The following LRRC58 variants were observed in gnomAD, a reference collection of about 807,000 sequenced individuals.
LRRC58 encodes the protein leucine rich repeat containing 58, also known as leucine-rich repeat-containing protein 58.
LRRC58 carries 18 observed loss-of-function variants against 30.6 expected under a neutral mutation model. The ratio of observed to expected loss-of-function variants is 0.59; its 90% CI spans 0.41 to 0.87. The LOEUF (loss-of-function observed/expected upper bound fraction) is 0.87. LRRC58 is among the 40% of genes least tolerant of loss of function. LRRC58 has a pLI of 0.00. For missense variants in LRRC58, 420 were observed against 468.4 expected, an observed-to-expected ratio of 0.90 and a Z score of 0.95; for synonymous variants, 221 against 206.0, an observed-to-expected ratio of 1.07 and a Z score of -0.62.
Position 120,335,201 on chromosome 3 carries a change from A to T in LRRC58, c.630-62T>A, listed in dbSNP as rs1935817976. 3 of 1,414,382 alleles carry T rather than the reference A, an allele frequency of 2.1e-6. No individual in the cohort carries two copies. The African/African-American group carries it at 4.3e-5, about 20-fold the overall frequency. The allele number at this position is 1,414,382 out of a possible 1,614,324, so 87.6% of individuals were successfully genotyped here. ...ACAACGTAACTATCAAAAATATTGA[A>T]TATATGTGTGTATACAGAACTTGAT... On this transcript the variant is annotated intron_variant, in intron 2 of 3. Transcript: ENST00000295628.
Position 120,349,034 on chromosome 3 carries a change from G to T in LRRC58, c.210C>A (p.Leu70=). 6.6e-7 allele frequency: 1 copy of T among 1,518,548 alleles called. No homozygotes were observed. Among genetic ancestry groups the T allele is most frequent in the Non-Finnish European group, 8.8e-7 (1 of 1,141,000 alleles). The allele number at this position is 1,518,548 out of a possible 1,614,324, so 94.1% of individuals were successfully genotyped here. A position where few individuals can be genotyped will look rare whatever the true frequency, so the allele number is the denominator to read the frequency against. The change falls in exon 1 of 4, where the codon CTC becomes CTA. Residue 70 remains leucine (L), a synonymous_variant. Coordinates refer to ENST00000295628, the MANE Select transcript of LRRC58 (RefSeq NM_001099678.2). ...PRALGSGFPH[L]QLLDVSGNAL... ...CGTTGCCGCTCACGTCCAGCAGCTG[G>T]AGGTGCGGGAAGCCGCTGCCCAGCG... is the stretch of plus-strand genomic sequence containing the variant.
chr3:120,335,556 T>G (rs1280858597), intron 2 of LRRC58, among the ~76,000 whole-genome samples: 5 of 152,144 alleles, frequency 3.3e-5, no homozygotes, highest in African/African-American at 9.7e-5. Flanking sequence ...TCACTAAAAG[T>G]CTCATAAAAC....
At chr3:120,334,512 A>G in intron 3 of LRRC58, among the ~76,000 whole-genome samples, 1 of 75,566 alleles carries the variant, frequency 1.3e-5, no homozygotes, top group East Asian at 2.4e-4. Context: ...TGTCTCAAAA[A>G]TAAATAAATA....
intron 1 of LRRC58, among the ~76,000 whole-genome samples, chr3:120,339,009 T>C (rs558583693): frequency 6.6e-6 from 1 of 152,216 alleles, no homozygotes; most frequent in Non-Finnish European, 1.5e-5. Flanking sequence ...CCTTTACTTA[T>C]AACTTATTGG....
chr3:120,341,011 T>C (rs933133591), intron 1 of LRRC58, among the ~76,000 whole-genome samples: 6 of 152,238 alleles, frequency 3.9e-5, no homozygotes, highest in African/African-American at 9.6e-5. Flanking sequence ...TTAGAAAAAG[T>C]AAGCAGATAA....
In LRRC58 at chr3:120,347,024, T is replaced by G. The variant is rs113340228; in HGVS notation, c.500+1720A>C. 2.6e-3 allele frequency among the ~76,000 whole-genome samples: 402 copies of G among 152,372 alleles called. 1 individual carries two copies. The highest frequency in any genetic ancestry group is 9.4e-3 in the African/African-American group (390 of 41,594). The stretch of plus-strand genomic sequence containing the variant: ...CAATGTCCTTCTTTCAGAATTTTAG[T>G]AGTTACCCTCCTTGCCTCTGGGCTT... On this transcript the variant is annotated intron_variant, in intron 1 of 3. Coordinates refer to ENST00000295628, the MANE Select transcript of LRRC58 (RefSeq NM_001099678.2).
rs1403670889 is a variant in LRRC58, at chr3:120,326,970, G to A, written c.*4230C>T. Reference sequence around the variant, plus strand: ...CTACCTGTTATATCACAAATTCCAGGTTAATGATGTATTACTTTCTCCCTT... The same window carrying A: ...CTACCTGTTATATCACAAATTCCAGATTAATGATGTATTACTTTCTCCCTT... On this transcript the variant is annotated 3_prime_UTR_variant, in exon 4 of 4. Transcript: ENST00000295628. 1 of 152,156 alleles carries A rather than the reference G, an allele frequency of 6.6e-6. No homozygotes were observed. Among genetic ancestry groups the A allele is most frequent in the Non-Finnish European group, 1.5e-5 (1 of 68,030 alleles). The allele number at this position is 152,156 out of a possible 1,614,324, so 9.4% of individuals were successfully genotyped here.
At chr3:120,340,934 A>G (rs544135375) in intron 1 of LRRC58, among the ~76,000 whole-genome samples, 4 of 152,170 alleles carry the variant, frequency 2.6e-5, no homozygotes, top group African/African-American at 7.2e-5. Flanking sequence ...TGACACTTTT[A>G]AAAAAACGTA....
Position 120,334,979 on chromosome 3 carries a change from C to G in LRRC58, c.790G>C (p.Glu264Gln). The change falls in exon 3 of 4, where the codon GAA becomes CAA. Residue 264 changes from glutamate to glutamine, a missense_variant. Glu to Gln is a conservative substitution (Grantham distance 29). Around this residue, in one of 2 missense-constraint regions of LRRC58, gnomAD observed 154 missense variants for 216.8 expected, o/e 0.71. Transcript: ENST00000295628. ...ATCTTAATGGTCCGTGCAGCTAATT[C>G]CAGGAGAGTTGGAGGATCATAGGTT... is the stretch of plus-strand genomic sequence containing the variant. ...DLTYDPPTLL[E>Q]LAARTIKIRN... is the part of the protein sequence containing the mutation. 6.2e-7 allele frequency: 1 copy of G among 1,613,786 alleles called. No individual in the cohort carries two copies.
At chr3:120,341,685 A>G (rs1039086694) in intron 1 of LRRC58, among the ~76,000 whole-genome samples, 1 of 152,130 alleles carries the variant, frequency 6.6e-6, no homozygotes, top group African/African-American at 2.4e-5. Context: ...TCTCTCCATC[A>G]TGTTGATGTA....
At chr3:120,347,376 A>ATTTTTTTTTTTTTTTTTTT (rs1208688984) in intron 1 of LRRC58, among the ~76,000 whole-genome samples, 15 of 51,080 alleles carry the variant, frequency 2.9e-4, no homozygotes, top group Admixed American at 4.4e-4. Context: ...CCAGGCCAAT[A>ATTTTTTTTTTTTTTTTTTT]TTCTTTTTTT....
intron 3 of LRRC58, among the ~76,000 whole-genome samples, chr3:120,331,817 G>T (rs1318829195): frequency 6.6e-6 from 1 of 152,106 alleles, no homozygotes; most frequent in Non-Finnish European, 1.5e-5. Flanking sequence ...TTATCTTAAA[G>T]AATTAGTATA....
chr3:120,333,311 A>G (rs1472046062), intron 3 of LRRC58, among the ~76,000 whole-genome samples: 2 of 152,194 alleles, frequency 1.3e-5, no homozygotes, highest in Non-Finnish European at 2.9e-5. Flanking sequence ...ATTTCCAGAA[A>G]AGCATGAATT....
rs1935687112 is a variant in LRRC58, at chr3:120,327,162, T to TCA, written c.*4037_*4038insTG. The TCA allele has an allele frequency of 6.6e-6, 1 of 152,080 alleles. No homozygotes were observed. The highest frequency in any genetic ancestry group is 2.4e-5 in the African/African-American group (1 of 41,412). 9.4% of individuals were successfully genotyped at this position (152,080 alleles called of 1,614,324 possible). On this transcript the variant is annotated 3_prime_UTR_variant, in exon 4 of 4. Coordinates refer to ENST00000295628, the MANE Select transcript of LRRC58 (RefSeq NM_001099678.2). ...ATAACTTAATTTTAAAACAATTCAC[T>TCA]ATTACTTTAAAGGGCTTTCTAGGCC...
Position 120,328,908 on chromosome 3 carries a change from T to G in LRRC58, c.*2292A>C, listed in dbSNP as rs2107620265. 6.6e-6 allele frequency: 1 copy of G among 152,300 alleles called. No homozygotes were observed. The highest frequency in any genetic ancestry group is 2.1e-4 in the South Asian group (1 of 4,832). 9.4% of individuals were successfully genotyped at this position (152,300 alleles called of 1,614,324 possible). A position where few individuals can be genotyped will look rare whatever the true frequency, so the allele number is the denominator to read the frequency against. On this transcript the variant is annotated 3_prime_UTR_variant, in exon 4 of 4. Transcript: ENST00000295628. Reference sequence around the variant, plus strand: ...CTATACATAGAACCATAACATTTTGTTGAAATAATACTGTGGTATACATCT... The same window carrying G: ...CTATACATAGAACCATAACATTTTGGTGAAATAATACTGTGGTATACATCT...
In LRRC58 at chr3:120,331,426, T is replaced by TAGA; in HGVS notation, c.908-21_908-19dup. ...GTAGACTCCTAAAGAGAAGAAGGAA[T>TAGA]AGAAAGTAATCATTACAAAGCAAGG... On this transcript the variant is annotated intron_variant, in intron 3 of 3. Transcript: ENST00000295628. The TAGA allele has an allele frequency of 6.4e-7, 1 of 1,570,462 alleles. No individual in the cohort carries two copies. The highest frequency in any genetic ancestry group is 8.8e-7 in the Non-Finnish European group (1 of 1,140,782).
intron 1 of LRRC58, among the ~76,000 whole-genome samples, chr3:120,339,234 C>T (rs540171338): frequency 6.6e-6 from 1 of 152,220 alleles, no homozygotes; most frequent in East Asian, 1.9e-4. Flanking sequence ...CCAGGAGTTA[C>T]CCCCTTCAAT....
intron 1 of LRRC58, among the ~76,000 whole-genome samples, chr3:120,336,553 T>C (rs1218489311): frequency 6.6e-6 from 1 of 152,182 alleles, no homozygotes; most frequent in Non-Finnish European, 1.5e-5. Context: ...GGAAAACCAC[T>C]AGCTTGTTTT....
rs773832699 is a variant in LRRC58 at position 120,329,856 on chromosome 3, A to G, written c.*1344T>C. ...CTTTATATCAACTTATAGTTGTACTATTATTCAATTTGTATTGCATATTAA... is the reference window on the plus strand; with the variant it reads ...CTTTATATCAACTTATAGTTGTACTGTTATTCAATTTGTATTGCATATTAA... On this transcript the variant is annotated 3_prime_UTR_variant, in exon 4 of 4. Coordinates refer to ENST00000295628, the MANE Select transcript of LRRC58 (RefSeq NM_001099678.2). 7 of 152,044 alleles carry G rather than the reference A, an allele frequency of 4.6e-5. No homozygotes were observed. The highest frequency in any genetic ancestry group is 6.5e-5 in the Admixed American group (1 of 15,276). The allele number at this position is 152,044 out of a possible 1,614,324, so 9.4% of individuals were successfully genotyped here.
Sources: allele counts gnomAD v4.1 joint callset (sites outside exome capture counted in the v4.1 genomes callset), GRCh38; gene constraint gnomAD v4.1.1; regional missense constraint gnomAD v4.1.1; transcripts MANE v1.5; gene names NCBI Gene and HGNC (gene_info 2026-07-23, HGNC 2026-07-21).